ITGB5: variants seen among roughly 807,000 people sequenced by gnomAD.
The protein encoded by ITGB5 is integrin beta-5.
A neutral mutation model predicts 84.8 loss-of-function variants in ITGB5; 38 were observed. The ratio of observed to expected loss-of-function variants is 0.45; its 90% CI spans 0.35 to 0.59. The LOEUF is 0.59. Among genes scored for constraint, ITGB5 ranks in the 20% least tolerant of loss-of-function variants. The pLI is 0.01. For synonymous variants in ITGB5, 393 were observed against 414.4 expected, an observed-to-expected ratio of 0.95 and a Z score of 0.63; for missense variants, 905 against 1,034.5, an observed-to-expected ratio of 0.87 and a Z score of 1.72.
intron 1 of ITGB5, among the ~76,000 whole-genome samples, chr3:124,892,895 AC>A (rs1935031683): frequency 6.6e-6 from 1 of 152,124 alleles, no homozygotes; most frequent in South Asian, 2.1e-4. Context: ...ACTGAGGCAT[AC>A]CTGTAATTTA....
chr3:124,766,200 GCCGAGCCCTTGCAGC>G lies in ITGB5; in HGVS notation c.2137+11_2137+25del, dbSNP rs2063764945. The stretch of plus-strand genomic sequence containing the variant: ...TCAGAACTGAGGGCTGGCTGAGTGG[GCCGAGCCCTTGCAGC>G]CCTCACCTACCTGGCTCCCTGAGGA... On this transcript the variant is annotated intron_variant, in intron 13 of 14. Transcript: ENST00000296181. The G allele has an allele frequency of 6.2e-7, 1 of 1,608,738 alleles. No homozygotes were observed. The highest frequency in any genetic ancestry group is 8.5e-7 in the Non-Finnish European group (1 of 1,177,528).
chr3:124,768,538 C>T (rs938486030), intron 12 of ITGB5, among the ~76,000 whole-genome samples: 1 of 152,240 alleles, frequency 6.6e-6, no homozygotes, highest in African/African-American at 2.4e-5. Flanking sequence ...GCACTGTGGT[C>T]AGGCCTCACC....
chr3:124,781,667 A>C (rs1241736064), intron 10 of ITGB5, among the ~76,000 whole-genome samples: 3 of 152,192 alleles, frequency 2.0e-5, no homozygotes, highest in Non-Finnish European at 1.5e-5. Context: ...GCTTGTAAAC[A>C]GCATTACCAT....
intron 1 of ITGB5, among the ~76,000 whole-genome samples, chr3:124,884,319 T>C (rs1934708027): frequency 6.6e-6 from 1 of 151,982 alleles, no homozygotes. Context: ...CCTGAGAAGC[T>C]TCAGGGCCCT....
Position 124,864,201 on chromosome 3 carries a change from G to A in ITGB5, c.157-4755C>T, listed in dbSNP as rs569445362. On this transcript the variant is annotated intron_variant, in intron 2 of 14. Coordinates refer to ENST00000296181, the MANE Select transcript of ITGB5 (RefSeq NM_002213.5). ...CAGCTCACTGCAAGGTCCGCCTCCCGGTTCAAGCCATTCTCCTGCCTCAGC... is the reference window on the plus strand; with the variant it reads ...CAGCTCACTGCAAGGTCCGCCTCCCAGTTCAAGCCATTCTCCTGCCTCAGC... Among the ~76,000 whole-genome samples the A allele has an allele frequency of 1.8e-4, 25 of 139,676 alleles. 1 individual carries two copies. The highest frequency in any genetic ancestry group is 8.6e-4 in the Admixed American group (11 of 12,850). The allele number at this position is 139,676 out of a possible 152,430, so 91.6% of individuals were successfully genotyped here.
intron 1 of ITGB5, among the ~76,000 whole-genome samples, chr3:124,898,741 T>C (rs1267499738): frequency 9.7e-6 from 1 of 103,278 alleles, no homozygotes. Flanking sequence ...ACCAGCCTGG[T>C]CAACACAGCA....
At chr3:124,787,909 C>CTT (rs35730935) in intron 10 of ITGB5, among the ~76,000 whole-genome samples, 3,952 of 137,676 alleles carry the variant, frequency 0.029, 196 homozygotes, top group African/African-American at 0.089. Flanking sequence ...ACAGATAGCT[C>CTT]TTTTTTTTTT....
intron 10 of ITGB5, among the ~76,000 whole-genome samples, chr3:124,794,814 G>C (rs2064198142): frequency 1.3e-5 from 2 of 150,596 alleles, no homozygotes; most frequent in African/African-American, 4.9e-5. Flanking sequence ...GAAAGAGAGA[G>C]AGAGAGGAAG....
At chr3:124,887,405 G>A, upstream of ITGB5, 1 of 158,538 alleles carries the variant, frequency 6.3e-6, no homozygotes. Flanking sequence ...CCTCCGGCCC[G>A]CCAGGCTCCA....
At chr3:124,839,573 TC>T (rs2064984341) in intron 5 of ITGB5, among the ~76,000 whole-genome samples, 1 of 152,104 alleles carries the variant, frequency 6.6e-6, no homozygotes. Context: ...ATCCATAAAA[TC>T]CTCAAGGTGG....
chr3:124,788,338 A>C (rs1193594465), intron 10 of ITGB5, among the ~76,000 whole-genome samples: 1 of 152,164 alleles, frequency 6.6e-6, no homozygotes, highest in Non-Finnish European at 1.5e-5. Context: ...CCATTATATA[A>C]GGAGGCCTCT....
chr3:124,769,398 T>C (rs1413436182), intron 11 of ITGB5: 1 of 358,736 alleles, frequency 2.8e-6, no homozygotes. Context: ...TGCACTCTGG[T>C]CCATCTAATG....
At chr3:124,765,901 A>G (rs2063759327) in intron 13 of ITGB5, among the ~76,000 whole-genome samples, 1 of 152,084 alleles carries the variant, frequency 6.6e-6, no homozygotes, top group African/African-American at 2.4e-5. Context: ...TACCAAAAAC[A>G]TACAAAAATT....
chr3:124,842,548 G>A (rs1386115984), intron 4 of ITGB5, among the ~76,000 whole-genome samples: 1 of 152,236 alleles, frequency 6.6e-6, no homozygotes, highest in African/African-American at 2.4e-5. Context: ...ACAGAGGGAG[G>A]TCGGGGGGCT....
intron 7 of ITGB5, 39 bp downstream of exon 7, chr3:124,819,700 C>A: frequency 6.9e-7 from 1 of 1,446,658 alleles, no homozygotes; most frequent in Middle Eastern, 1.7e-4. Flanking sequence ...CCACCCACTT[C>A]ACCCCACAAA....
chr3:124,846,951 G>T (rs147566328), intron 4 of ITGB5, among the ~76,000 whole-genome samples: 1 of 152,120 alleles, frequency 6.6e-6, no homozygotes, highest in East Asian at 1.9e-4. Context: ...AAATGCAAAT[G>T]CAGACTCTAA....
upstream of ITGB5, among the ~76,000 whole-genome samples, chr3:124,890,130 G>A (rs953653524): frequency 5.9e-5 from 9 of 152,026 alleles, no homozygotes; most frequent in Admixed American, 2.0e-4. Context: ...TTAGATGGAC[G>A]GGGCGTGGAG....
In ITGB5 at chr3:124,841,416, G is replaced by A. The variant is rs74418988; in HGVS notation, c.747C>T (p.Gly249=). ...CGGCTGCCTGGAGTACTGCATCAAAGCCCCCCTCAGGGGCATCTCGGTTCC... is the reference window on the plus strand; with the variant it reads ...CGGCTGCCTGGAGTACTGCATCAAAACCCCCCTCAGGGGCATCTCGGTTCC... The part of the protein sequence containing the change: ...VSRNRDAPEG[G]FDAVLQAAVC... The change falls in exon 5 of 15, where the codon GGC becomes GGT. Residue 249 remains glycine, a synonymous_variant. Coordinates refer to ENST00000296181, the MANE Select transcript of ITGB5 (RefSeq NM_002213.5). 5 of 1,614,178 alleles carry A rather than the reference G, an allele frequency of 3.1e-6. No homozygotes were observed. Among genetic ancestry groups the A allele is most frequent in the South Asian group, 1.1e-5 (1 of 91,084 alleles).
intron 14 of ITGB5, among the ~76,000 whole-genome samples, 168 bp from the exon 15 acceptor site, chr3:124,763,886 G>GAGA: frequency 6.6e-6 from 1 of 152,182 alleles, no homozygotes; most frequent in East Asian, 1.9e-4. Flanking sequence ...GTGTTCCCCA[G>GAGA]GAAAGCCATC....
Sources: gnomAD v4.1 joint callset for allele counts (sites outside exome capture counted in the v4.1 genomes callset) on GRCh38, gnomAD v4.1.1 for gene constraint, MANE v1.5 for transcripts, NCBI Gene and HGNC (gene_info 2026-07-23, HGNC 2026-07-21) for gene names.